The following MIIP variants were observed in gnomAD, a reference collection of about 807,000 sequenced individuals.
The protein encoded by MIIP is migration and invasion inhibitory protein.
MIIP carries 44 observed loss-of-function variants against 44.8 expected under a neutral mutation model. That is an observed-to-expected ratio of 0.98 (90% CI 0.77 to 1.26). The LOEUF (loss-of-function observed/expected upper bound fraction) is 1.26. MIIP is among the 50% of genes most tolerant of loss of function. The pLI is 0.00. For missense variants in MIIP, 496 were observed against 511.7 expected, an observed-to-expected ratio of 0.97 and a Z score of 0.30; for synonymous variants, 225 against 218.3, an observed-to-expected ratio of 1.03 and a Z score of -0.27.
chr1:12,028,942 G>A lies in MIIP; in HGVS notation c.548-91G>A, dbSNP rs575299265. On this transcript the variant is annotated intron_variant, in intron 4 of 9. Transcript: ENST00000235332. ...ATGAAGCAGGTGGCCTGGGGTGCCAGGGCTGATCGTCTCTCCAAGCCTTGG... is the reference window on the plus strand; with the variant it reads ...ATGAAGCAGGTGGCCTGGGGTGCCAAGGCTGATCGTCTCTCCAAGCCTTGG... 564 of 1,074,658 alleles carry A rather than the reference G, an allele frequency of 5.2e-4. 8 individuals carry two copies. In the South Asian group the frequency reaches 7.2e-3, roughly 14 times the overall value. 66.6% of individuals were successfully genotyped at this position (1,074,658 alleles called of 1,614,324 possible).
chr1:12,030,197 G>T, intron 8 of MIIP, 73 bp downstream of exon 8: 5 of 1,446,728 alleles, frequency 3.5e-6, no homozygotes, highest in African/African-American at 1.4e-5. Flanking sequence ...CCCAGGGAGG[G>T]TCACAGAGCG....
chr1:12,024,368 T>G (rs1265057808), intron 4 of MIIP, among the ~76,000 whole-genome samples: 1 of 152,182 alleles, frequency 6.6e-6, no homozygotes, highest in South Asian at 2.1e-4. Context: ...TGCTGTCCTT[T>G]GCATGTGTAT....
chr1:12,022,857 T>A lies in MIIP; in HGVS notation c.487T>A (p.Ser163Thr). ...SKPRVTFSEE[S>T]AVPKRSWRLR... The stretch of plus-strand genomic sequence containing the variant: ...GCCCAGGGTGACCTTCTCTGAGGAG[T>A]CTGCAGTTCCTAAGAGGAGCTGGCG... Residue 163 changes from serine (S) to threonine (T), a missense_variant, in exon 4 of 10, where the codon TCT (serine) becomes ACT (threonine). By Grantham distance (58) the Ser-to-Thr change is moderately conservative. Transcript: ENST00000235332. 3 of 1,608,574 alleles carry A rather than the reference T, an allele frequency of 1.9e-6. No individual in the cohort carries two copies. Among genetic ancestry groups the A allele is most frequent in the Non-Finnish European group, 2.5e-6 (3 of 1,177,298 alleles).
At chr1:12,023,039 T>A (rs1318033627) in intron 4 of MIIP, 122 bp downstream of exon 4, 1 of 643,188 alleles carries the variant, frequency 1.6e-6, no homozygotes. Context: ...GACCGTGCCA[T>A]CCTCCGTGGG....
chr1:12,028,540 G>C (rs1640152478), intron 4 of MIIP, among the ~76,000 whole-genome samples: 1 of 152,112 alleles, frequency 6.6e-6, no homozygotes, highest in African/African-American at 2.4e-5. Context: ...GGAGGTCTCT[G>C]TGGCTTCTCC....
chr1:12,021,539 A>C, intron 1 of MIIP, 106 bp from the exon 2 acceptor site: 1 of 585,896 alleles, frequency 1.7e-6, no homozygotes, highest in Non-Finnish European at 3.0e-6. Context: ...GGCACAGAGA[A>C]GTTAAATAAC....
At chr1:12,027,577 C>T (rs544108295) in intron 4 of MIIP, among the ~76,000 whole-genome samples, 1 of 152,192 alleles carries the variant, frequency 6.6e-6, no homozygotes, top group South Asian at 2.1e-4. Flanking sequence ...GACTGCTACA[C>T]CCCTAGGCCT....
chr1:12,030,405 TA>T (rs995011744), intron 8 of MIIP, among the ~76,000 whole-genome samples: 3 of 151,868 alleles, frequency 2.0e-5, no homozygotes, highest in African/African-American at 7.3e-5. Flanking sequence ...GCACAGTCCT[TA>T]GGGGGCTTAT....
Position 12,024,808 on chromosome 1 carries a change from T to A in MIIP, c.547+1891T>A, listed in dbSNP as rs184385625. ...CATCCACCTCCAGAACTTTTTCATC[T>A]TCCCAAAAACTTCTCTCCCCATTAA... is the stretch of plus-strand genomic sequence containing the variant. On this transcript the variant is annotated intron_variant, in intron 4 of 9. Coordinates refer to ENST00000235332, the MANE Select transcript of MIIP (RefSeq NM_021933.4). Among the ~76,000 whole-genome samples the A allele has an allele frequency of 1.1e-3, 168 of 152,300 alleles. 2 individuals are homozygous for A. Among genetic ancestry groups the A allele is most frequent in the Non-Finnish European group, 2.1e-3 (144 of 68,024 alleles).
chr1:12,029,893 A>C lies in MIIP; in HGVS notation c.844A>C (p.Arg282=). The change falls in exon 7 of 10, where the codon AGG becomes CGG. Residue 282 remains arginine (R), a splice_region_variant and synonymous_variant. Transcript: ENST00000235332. ...GACCCTGGCGCAGCCAGCGCACGTC[A>C]GGTGAGTGACCAGAGTATTGGGACA... ...PGTLAQPAHV[R]VSIPLSILEP... 1.9e-6 allele frequency: 3 copies of C among 1,612,704 alleles called. No individual in the cohort carries two copies. The highest frequency in any genetic ancestry group is 2.5e-6 in the Non-Finnish European group (3 of 1,179,214).
chr1:12,029,982 A>G, intron 7 of MIIP, 46 bp from the exon 8 acceptor site: 2 of 1,609,840 alleles, frequency 1.2e-6, no homozygotes, highest in Non-Finnish European at 8.5e-7. Flanking sequence ...TGGGCCCCCA[A>G]CCGCTGGGAG....
chr1:12,025,851 C>T (rs1180899098), intron 4 of MIIP, among the ~76,000 whole-genome samples: 3 of 152,098 alleles, frequency 2.0e-5, no homozygotes, highest in Non-Finnish European at 4.4e-5. Flanking sequence ...ACGTCCACTA[C>T]CATGCTTGGC....
At chr1:12,023,571 T>G (rs1392904020) in intron 4 of MIIP, among the ~76,000 whole-genome samples, 19 of 151,366 alleles carry the variant, frequency 1.3e-4, no homozygotes, top group Admixed American at 1.2e-3. Flanking sequence ...GCCTGGCTAA[T>G]TTGTTTGTAT....
chr1:12,030,896 G>C (rs1640227701), intron 8 of MIIP, among the ~76,000 whole-genome samples: 1 of 152,126 alleles, frequency 6.6e-6, no homozygotes, highest in South Asian at 2.1e-4. Flanking sequence ...AGGATGCAGA[G>C]GAAAGTCAGT....
intron 4 of MIIP, among the ~76,000 whole-genome samples, chr1:12,028,034 C>A (rs559735871): frequency 6.6e-6 from 1 of 152,270 alleles, no homozygotes; most frequent in Non-Finnish European, 1.5e-5. Flanking sequence ...TGGTGAAACC[C>A]CGTCTCTACT....
chr1:12,026,013 A>G (rs1640098396), intron 4 of MIIP, among the ~76,000 whole-genome samples: 1 of 151,570 alleles, frequency 6.6e-6, no homozygotes, highest in Admixed American at 6.6e-5. Flanking sequence ...AGGACCAGAA[A>G]GGAGGCCACG....
At chr1:12,023,307 A>T (rs1393150972) in intron 4 of MIIP, among the ~76,000 whole-genome samples, 1 of 150,874 alleles carries the variant, frequency 6.6e-6, no homozygotes, top group South Asian at 2.1e-4. Flanking sequence ...CAAGATATCC[A>T]CCTACCTTGG....
At chr1:12,022,772 C>A in intron 3 of MIIP, 61 bp from the exon 4 acceptor site, 3 of 1,305,348 alleles carry the variant, frequency 2.3e-6, no homozygotes, top group Non-Finnish European at 3.3e-6. Context: ...CCTCGAATTG[C>A]GGCTTCCTCT....
intron 4 of MIIP, among the ~76,000 whole-genome samples, chr1:12,023,447 A>G (rs1315981884): frequency 1.3e-5 from 2 of 149,080 alleles, no homozygotes; most frequent in Non-Finnish European, 3.0e-5. Context: ...TCTGTCGCCC[A>G]GGCTGGAGTG....
Sources: gnomAD v4.1 joint callset for allele counts (sites outside exome capture counted in the v4.1 genomes callset) on GRCh38, gnomAD v4.1.1 for gene constraint, MANE v1.5 for transcripts, NCBI Gene and HGNC (gene_info 2026-07-23, HGNC 2026-07-21) for gene names.